GAL3ST2: variants seen among roughly 807,000 people sequenced by gnomAD.
GAL3ST2 encodes beta-galactose-3-O-sulfotransferase 2.
A neutral mutation model predicts 12.9 loss-of-function variants in GAL3ST2; 16 were observed. The observed-to-expected ratio is 1.24, with a 90% CI of 0.84 to 1.88. The LOEUF (loss-of-function observed/expected upper bound fraction) is 1.88. Ranked by LOEUF, GAL3ST2 falls within the 40% of genes most tolerant of loss-of-function variation. The pLI is 0.00. For synonymous variants in GAL3ST2, 302 were observed against 273.9 expected, an observed-to-expected ratio of 1.10 and a Z score of -1.01; for missense variants, 639 against 571.8, an observed-to-expected ratio of 1.12 and a Z score of -1.20.
chr2:241,778,768 C>T (rs1261770151), intron 1 of GAL3ST2, among the ~76,000 whole-genome samples: 1 of 152,072 alleles, frequency 6.6e-6, no homozygotes, highest in East Asian at 1.9e-4. Context: ...CATCAGTCCG[C>T]ATATGCAGGA....
rs974548925 is a variant in GAL3ST2 at position 241,795,632 on chromosome 2, G to C, written c.30-3433G>C. The stretch of plus-strand genomic sequence containing the variant: ...GCCGTAAAACTGCCCTTCCCACCTC[G>C]TGCAGCCACTCTCCCGGGGAGGGTC... On this transcript the variant is annotated intron_variant, in intron 1 of 3. Coordinates refer to ENST00000192314, the MANE Select transcript of GAL3ST2 (RefSeq NM_022134.3). This position sits in a 1 kb window ranked among gnomAD's most constrained non-coding sequence, Gnocchi z 4.5. Among the ~76,000 whole-genome samples the C allele has an allele frequency of 1.3e-5, 2 of 152,188 alleles. No individual in the cohort carries two copies. Among genetic ancestry groups the C allele is most frequent in the Admixed American group, 1.3e-4 (2 of 15,286 alleles).
Position 241,802,136 on chromosome 2 carries a change from CTTGG to C in GAL3ST2, c.375+101_375+104del. The C allele has an allele frequency of 7.8e-7, 1 of 1,280,024 alleles. No individual in the cohort carries two copies. The highest frequency in any genetic ancestry group is 1.1e-6 in the Non-Finnish European group (1 of 941,004). 79.3% of individuals were successfully genotyped at this position (1,280,024 alleles called of 1,614,324 possible). ...GAGGCTGGAGAGAAGGAGTGTAAGG[CTTGG>C]GGGCGGGGCGTGCAGAAGGCGGGTT... On this transcript the variant is annotated intron_variant, in intron 3 of 3. Coordinates refer to ENST00000192314, the MANE Select transcript of GAL3ST2 (RefSeq NM_022134.3). The surrounding 1 kb of genome is among the most constrained non-coding windows in gnomAD (Gnocchi z 4.8).
At chr2:241,782,301 CTTTA>C (rs1226579801) in intron 1 of GAL3ST2, among the ~76,000 whole-genome samples, 1 of 151,684 alleles carries the variant, frequency 6.6e-6, no homozygotes, top group Non-Finnish European at 1.5e-5. Context: ...AGTTAGATAG[CTTTA>C]TTTATTTTAT....
intron 3 of GAL3ST2, 104 bp from the exon 4 acceptor site, chr2:241,803,241 G>A: frequency 2.2e-6 from 2 of 893,104 alleles, no homozygotes; most frequent in African/African-American, 1.7e-5. Flanking sequence ...GTGAGGATGG[G>A]GGTGCTCCTT....
chr2:241,781,442 G>T (rs1483005627), intron 1 of GAL3ST2, among the ~76,000 whole-genome samples: 1 of 152,048 alleles, frequency 6.6e-6, no homozygotes, highest in Non-Finnish European at 1.5e-5. Context: ...TTCTATAGCT[G>T]ATTATAAAAC....
chr2:241,800,543 G>A lies in GAL3ST2; in HGVS notation c.120-1238G>A, dbSNP rs867755557. ...GGGTGGAGACTGCACATCTAACTGC[G>A]TTACAATCAGGCCCTGCACGTCAGA... On this transcript the variant is annotated intron_variant, in intron 2 of 3. Coordinates refer to ENST00000192314, the MANE Select transcript of GAL3ST2 (RefSeq NM_022134.3). This position sits in a 1 kb window ranked among gnomAD's most constrained non-coding sequence, Gnocchi z 5.2. 6.6e-6 allele frequency among the ~76,000 whole-genome samples: 1 copy of A among 152,230 alleles called. No homozygotes were observed. The highest frequency in any genetic ancestry group is 1.5e-5 in the Non-Finnish European group (1 of 68,040).
chr2:241,787,540 CTTTTTTTT>C (rs1553615866), intron 1 of GAL3ST2, among the ~76,000 whole-genome samples: 13 of 136,274 alleles, frequency 9.5e-5, no homozygotes, highest in African/African-American at 3.3e-4. Context: ...ACTTCTCCTC[CTTTTTTTT>C]TTTTTTTTTG....
intron 1 of GAL3ST2, among the ~76,000 whole-genome samples, chr2:241,791,723 G>C (rs1475327064): frequency 6.6e-6 from 1 of 152,112 alleles, no homozygotes; most frequent in South Asian, 2.1e-4. Flanking sequence ...AATTATTCTT[G>C]CTGCACTGTA....
chr2:241,789,556 A>T (rs1050976785), intron 1 of GAL3ST2, among the ~76,000 whole-genome samples: 1 of 152,272 alleles, frequency 6.6e-6, no homozygotes, highest in Non-Finnish European at 1.5e-5. Flanking sequence ...AGTCTAAGAT[A>T]GGGAAAAAAA....
At position 241,802,760 on chromosome 2, in the gene GAL3ST2, C is replaced by T. The variant is rs1699870295; in HGVS notation, c.376-585C>T. On this transcript the variant is annotated intron_variant, in intron 3 of 3. Transcript: ENST00000192314. This position sits in a 1 kb window ranked among gnomAD's most constrained non-coding sequence, Gnocchi z 4.8. ...AAGCAGGCGGTGTAGTTGGGCGTGA[C>T]TTTCTGCAAGACTTTACTTTCTGTG... Among the ~76,000 whole-genome samples the T allele has an allele frequency of 6.6e-6, 1 of 152,078 alleles. No individual in the cohort carries two copies. The highest frequency in any genetic ancestry group is 1.5e-5 in the Non-Finnish European group (1 of 67,986).
At chr2:241,798,039 A>T (rs1699794409) in intron 1 of GAL3ST2, among the ~76,000 whole-genome samples, 1 of 152,108 alleles carries the variant, frequency 6.6e-6, no homozygotes, top group Non-Finnish European at 1.5e-5. Context: ...CCCACGTGGT[A>T]GCCCCACCCC....
At chr2:241,794,168 G>A (rs1699741558) in intron 1 of GAL3ST2, among the ~76,000 whole-genome samples, 1 of 152,088 alleles carries the variant, frequency 6.6e-6, no homozygotes, top group African/African-American at 2.4e-5. Context: ...GGCTGGTCTT[G>A]AACTCCTTGA....
intron 1 of GAL3ST2, among the ~76,000 whole-genome samples, chr2:241,779,935 G>A (rs1029183208): frequency 2.0e-5 from 3 of 151,502 alleles, no homozygotes; most frequent in Non-Finnish European, 4.4e-5. Context: ...GCGGTGAGCC[G>A]AGATCGTGCC....
intron 1 of GAL3ST2, among the ~76,000 whole-genome samples, chr2:241,796,706 A>G (rs1699775526): frequency 6.6e-6 from 1 of 152,204 alleles, no homozygotes; most frequent in Non-Finnish European, 1.5e-5. Flanking sequence ...GAGCAGGGCC[A>G]TCGGCTGGGG....
intron 3 of GAL3ST2, among the ~76,000 whole-genome samples, chr2:241,803,098 C>CT (rs1052522441): frequency 6.6e-6 from 1 of 152,220 alleles, no homozygotes; most frequent in African/African-American, 2.4e-5. Flanking sequence ...CCTGAGGCCC[C>CT]TTCCTGGCGT....
chr2:241,779,203 T>C (rs944375810), intron 1 of GAL3ST2, among the ~76,000 whole-genome samples: 1 of 146,422 alleles, frequency 6.8e-6, no homozygotes, highest in South Asian at 2.2e-4. Flanking sequence ...CCTGAGTTAC[T>C]AGGAAAGCTC....
chr2:241,804,048 A>G lies in GAL3ST2; in HGVS notation c.1079A>G (p.Asn360Ser). Reference sequence around the variant, plus strand: ...TACAACCTCCGGCCGGGCCTGGACAACCAGACGCTGGGCGTGTGCCAGAGG... The same window carrying G: ...TACAACCTCCGGCCGGGCCTGGACAGCCAGACGCTGGGCGTGTGCCAGAGG... ...LGYNLRPGLDNQTLGVCQRLV... is the reference protein window; with the variant it reads ...LGYNLRPGLDSQTLGVCQRLV... Residue 360 changes from asparagine to serine, a missense_variant, in exon 4 of 4, where the codon AAC becomes AGC. By Grantham distance (46) the Asn-to-Ser change is conservative. Coordinates refer to ENST00000192314, the MANE Select transcript of GAL3ST2 (RefSeq NM_022134.3). The G allele has an allele frequency of 6.4e-7, 1 of 1,560,882 alleles. No homozygotes were observed. The highest frequency in any genetic ancestry group is 1.2e-5 in the South Asian group (1 of 83,860).
At position 241,803,958 on chromosome 2, in the gene GAL3ST2, A is replaced by C; in HGVS notation, c.989A>C (p.Asn330Thr). The C allele has an allele frequency of 2.0e-6, 3 of 1,508,172 alleles. No homozygotes were observed. Among genetic ancestry groups the C allele is most frequent in the Non-Finnish European group, 2.7e-6 (3 of 1,131,712 alleles). 93.4% of individuals were successfully genotyped at this position (1,508,172 alleles called of 1,614,324 possible). ...CTGCAGGACGGCGGCGCGCTCAAGA[A>C]CCACACGCAGATCAGAGACCCGCGC... ...LCLQDGGALK[N>T]HTQIRDPRLR... The change falls in exon 4 of 4, where the codon AAC becomes ACC. Residue 330 changes from asparagine (N) to threonine (T), a missense_variant. Asn to Thr is a moderately conservative substitution (Grantham distance 65). Coordinates refer to ENST00000192314, the MANE Select transcript of GAL3ST2 (RefSeq NM_022134.3).
rs1553617137 is a variant in GAL3ST2, at chr2:241,803,539, G to T, written c.570G>T (p.Lys190Asn). ...GCCACCTCAGGAACGTCTACGCCAA[G>T]AACAACATGTGGTTCGACTTCGGCT... ...DSRHLRNVYA[K>N]NNMWFDFGFD... The change falls in exon 4 of 4, where the codon AAG becomes AAT. Residue 190 changes from lysine to asparagine, a missense_variant. By Grantham distance (94) the Lys-to-Asn change is moderately conservative (BLOSUM62 0). Transcript: ENST00000192314. 2 of 1,609,802 alleles carry T rather than the reference G, an allele frequency of 1.2e-6. No individual in the cohort carries two copies. The highest frequency in any genetic ancestry group is 2.2e-5 in the South Asian group (2 of 90,378).
Sources: gnomAD v4.1 joint callset for allele counts (sites outside exome capture counted in the v4.1 genomes callset) on GRCh38, gnomAD v4.1.1 for gene constraint, Gnocchi (gnomAD v3.1) non-coding constraint, MANE v1.5 for transcripts, NCBI Gene and HGNC (gene_info 2026-07-23, HGNC 2026-07-21) for gene names.